GFOD1: variants seen among roughly 807,000 people sequenced by gnomAD.
The protein encoded by GFOD1 is Gfo/Idh/MocA-like oxidoreductase domain containing 1.
Under a neutral mutation model 25.4 loss-of-function variants are expected in GFOD1, and 9 were observed. The observed-to-expected ratio is 0.35, with a 90% CI of 0.21 to 0.62. GFOD1 has a LOEUF of 0.62. GFOD1 is among the 20% of genes least tolerant of loss of function. The pLI is 0.72. For missense variants in GFOD1, 403 were observed against 556.9 expected (o/e 0.72, Z 2.78); for synonymous variants, 253 against 245.6 (o/e 1.03, Z -0.28).
At chr6:13,449,178 C>A (rs1190686317) in intron 1 of GFOD1, among the ~76,000 whole-genome samples, 1 of 152,128 alleles carries the variant, frequency 6.6e-6, no homozygotes, top group Admixed American at 6.5e-5. Context: ...ACAGTCCCAG[C>A]TACTTGGGAG....
Position 13,486,911 on chromosome 6 carries a change from T to G in GFOD1, c.-21A>C. 1 of 1,601,330 alleles carries G rather than the reference T, an allele frequency of 6.2e-7. No individual in the cohort carries two copies. The highest frequency in any genetic ancestry group is 1.1e-5 in the South Asian group (1 of 90,580). Reference sequence around the variant, plus strand: ...AGCATGGCTGCTCAGAGCCGCCTGGTTCTGCTTCTGCTCGGATCTCCAGTC... The same window carrying G: ...AGCATGGCTGCTCAGAGCCGCCTGGGTCTGCTTCTGCTCGGATCTCCAGTC... On this transcript the variant is annotated 5_prime_UTR_variant, in exon 1 of 2. Transcript: ENST00000379287.
At position 13,451,366 on chromosome 6, in the gene GFOD1, G is replaced by A. The variant is rs78553353; in HGVS notation, c.253+35272C>T. On this transcript the variant is annotated intron_variant, in intron 1 of 1. Coordinates refer to ENST00000379287, the MANE Select transcript of GFOD1 (RefSeq NM_018988.4). ...AAACAGACCAGCAACACGGAGGCCC[G>A]AGCCTAGGGAGTGGCCTGGCTGTGC... Among the ~76,000 whole-genome samples, 246 of 152,264 alleles carry A rather than the reference G, an allele frequency of 1.6e-3. 2 individuals carry two copies. The highest frequency in any genetic ancestry group is 4.7e-3 in the African/African-American group (196 of 41,542).
At chr6:13,470,078 A>C in intron 1 of GFOD1, 1 of 1,392,090 alleles carries the variant, frequency 7.2e-7, no homozygotes, top group Non-Finnish European at 9.6e-7. Flanking sequence ...TGGGTGAGGA[A>C]TACAGATGTT....
rs547659883 is a variant in GFOD1 at position 13,430,169 on chromosome 6, G to A, written c.253+56469C>T. On this transcript the variant is annotated intron_variant, in intron 1 of 1. Transcript: ENST00000379287. The surrounding 1 kb of genome is among the most constrained non-coding windows in gnomAD (Gnocchi z 4.1). ...AAATCCAGCCAGGCCGGGAGCAGTC[G>A]CTCATGCCTGTAACCCCAGCACTTT... is the stretch of plus-strand genomic sequence containing the variant. 6.6e-5 allele frequency among the ~76,000 whole-genome samples: 10 copies of A among 152,312 alleles called. No individual in the cohort carries two copies. The highest frequency in any genetic ancestry group is 3.3e-4 in the Admixed American group (5 of 15,298).
chr6:13,374,678 T>C (rs1287698968), intron 1 of GFOD1, among the ~76,000 whole-genome samples: 4 of 150,368 alleles, frequency 2.7e-5, no homozygotes, highest in East Asian at 4.0e-4. Flanking sequence ...TCAATACATA[T>C]AATGTATAGT....
chr6:13,408,146 C>T (rs1322205169), intron 1 of GFOD1: 15 of 962,422 alleles, frequency 1.6e-5, no homozygotes, highest in Non-Finnish European at 1.7e-5. Context: ...GTGACACCTT[C>T]TCTCTCCAGC....
intron 1 of GFOD1, among the ~76,000 whole-genome samples, chr6:13,391,258 C>T (rs1383329702): frequency 6.6e-6 from 1 of 152,036 alleles, no homozygotes; most frequent in Non-Finnish European, 1.5e-5. Context: ...TAGCTAGCTA[C>T]CAAAACAGCT....
rs961780612 is a variant in GFOD1, at chr6:13,469,151, C to T, written c.253+17487G>A. ...AGTTGGCCTGTGTCTCCTATTATGGCCCTCCAGAACAGTAAAGAGGCCACT... is the reference window on the plus strand; with the variant it reads ...AGTTGGCCTGTGTCTCCTATTATGGTCCTCCAGAACAGTAAAGAGGCCACT... On this transcript the variant is annotated intron_variant, in intron 1 of 1. Coordinates refer to ENST00000379287, the MANE Select transcript of GFOD1 (RefSeq NM_018988.4). The T allele has an allele frequency of 7.0e-6, 5 of 709,412 alleles. No individual in the cohort carries two copies. The African/African-American group carries it at 9.6e-5, about 14-fold the overall frequency. 43.9% of individuals were successfully genotyped at this position (709,412 alleles called of 1,614,324 possible). A position where few individuals can be genotyped will look rare whatever the true frequency, so the allele number is the denominator to read the frequency against.
At chr6:13,409,907 A>AGCGGGG (rs70989857) in intron 1 of GFOD1, among the ~76,000 whole-genome samples, 85,021 of 142,324 alleles carry the variant, frequency 0.6, 28,392 homozygotes, top group Non-Finnish European at 0.73. Flanking sequence ...TGGGCGACAG[A>AGCGGGG]GCGGGGCTCC....
At position 13,406,530 on chromosome 6, in the gene GFOD1, C is replaced by T. The variant is rs191723983; in HGVS notation, c.254-40868G>A. On this transcript the variant is annotated intron_variant, in intron 1 of 1. Transcript: ENST00000379287. The stretch of plus-strand genomic sequence containing the variant: ...GGAGGGGAGGGCAGAAAGAAGAGAG[C>T]GAGAGCACAATCGAGAGTGAGAAGA... Among the ~76,000 whole-genome samples the T allele has an allele frequency of 2.7e-3, 414 of 152,226 alleles. 1 individual carries two copies. The highest frequency in any genetic ancestry group is 4.2e-3 in the Admixed American group (64 of 15,292).
At position 13,487,117 on chromosome 6, in the gene GFOD1, G is replaced by T; in HGVS notation, c.-227C>A. On this transcript the variant is annotated 5_prime_UTR_variant, in exon 1 of 2. Coordinates refer to ENST00000379287, the MANE Select transcript of GFOD1 (RefSeq NM_018988.4). The surrounding 1 kb of genome is among the most constrained non-coding windows in gnomAD (Gnocchi z 4.9). ...GTGACTGCGGCAGTGTCCGCCACGC[G>T]GGGCTCGCGTCCTTCCCGGAGTCGG... The T allele has an allele frequency of 2.0e-6, 1 of 499,074 alleles. No homozygotes were observed. The highest frequency in any genetic ancestry group is 3.5e-6 in the Non-Finnish European group (1 of 289,486). The allele number at this position is 499,074 out of a possible 1,614,324, so 30.9% of individuals were successfully genotyped here.
At chr6:13,477,006 G>T (rs962860024) in intron 1 of GFOD1, among the ~76,000 whole-genome samples, 1 of 152,056 alleles carries the variant, frequency 6.6e-6, no homozygotes, top group African/African-American at 2.4e-5. Flanking sequence ...AAAGAACGCT[G>T]GCTTTCCAGG....
intron 1 of GFOD1, among the ~76,000 whole-genome samples, chr6:13,393,077 T>C (rs781471068): frequency 6.6e-6 from 1 of 151,462 alleles, no homozygotes; most frequent in Non-Finnish European, 1.5e-5. Context: ...GAAAAAGGGC[T>C]GGGTGTGGTG....
intron 1 of GFOD1, among the ~76,000 whole-genome samples, chr6:13,400,369 G>A (rs1433058704): frequency 6.6e-6 from 1 of 151,746 alleles, no homozygotes; most frequent in Non-Finnish European, 1.5e-5. Flanking sequence ...CACTGCGGAA[G>A]CCACCAAGAT....
intron 1 of GFOD1, among the ~76,000 whole-genome samples, chr6:13,395,392 T>A (rs1276624107): frequency 6.6e-6 from 1 of 152,202 alleles, no homozygotes; most frequent in Non-Finnish European, 1.5e-5. Flanking sequence ...AACCACCCGA[T>A]AAAACTCATA....
At chr6:13,470,920 CAGAT>C (rs762220434) in intron 1 of GFOD1, among the ~76,000 whole-genome samples, 55 of 152,124 alleles carry the variant, frequency 3.6e-4, no homozygotes, top group Admixed American at 9.8e-4. Context: ...ATTGCTCACA[CAGAT>C]GGATGTGGCT....
At chr6:13,387,727 T>C (rs376714026) in intron 1 of GFOD1, among the ~76,000 whole-genome samples, 3 of 152,176 alleles carry the variant, frequency 2.0e-5, no homozygotes, top group East Asian at 3.8e-4. Flanking sequence ...ATGCCCTCTC[T>C]CACCACTCCT....
At chr6:13,469,741 A>G in intron 1 of GFOD1, 1 of 1,171,994 alleles carries the variant, frequency 8.5e-7, no homozygotes, top group African/African-American at 1.6e-5. Context: ...TGTGAAAATA[A>G]TACATGTCAC....
At chr6:13,374,491 A>T (rs532871211) in intron 1 of GFOD1, among the ~76,000 whole-genome samples, 3 of 151,764 alleles carry the variant, frequency 2.0e-5, no homozygotes, top group Admixed American at 2.0e-4. Flanking sequence ...ATTTTAGTAG[A>T]GACAGAGTTT....
Sources: gnomAD v4.1 joint callset for allele counts (sites outside exome capture counted in the v4.1 genomes callset) on GRCh38, gnomAD v4.1.1 for gene constraint, Gnocchi (gnomAD v3.1) non-coding constraint, MANE v1.5 for transcripts, NCBI Gene and HGNC (gene_info 2026-07-23, HGNC 2026-07-21) for gene names.